Variants in DAP3 observed in about 807,000 individuals in gnomAD.
DAP3 encodes the protein death associated protein 3, also known as small ribosomal subunit protein mS29.
Under a neutral mutation model 51.9 loss-of-function variants are expected in DAP3, and 28 were observed. That is an observed-to-expected ratio of 0.54 (90% CI 0.40 to 0.74). The LOEUF (loss-of-function observed/expected upper bound fraction) is 0.74. DAP3 is among the 30% of genes least tolerant of loss of function. The pLI is 0.00. For missense variants in DAP3, 458 were observed against 483.5 expected (o/e 0.95, Z 0.49); for synonymous variants, 170 against 170.3 (o/e 1.00, Z 0.01).
At chr1:155,691,895 A>G (rs747037571) in intron 1 of DAP3, among the ~76,000 whole-genome samples, 1 of 141,616 alleles carries the variant, frequency 7.1e-6, no homozygotes, top group Non-Finnish European at 1.5e-5. Context: ...AGGAATGAGA[A>G]GAGACAGGTT....
At chr1:155,717,196 T>G (rs1038070036) in intron 3 of DAP3, 68 bp downstream of exon 3, 7 of 1,577,742 alleles carry the variant, frequency 4.4e-6, no homozygotes, top group Non-Finnish European at 6.0e-6. Flanking sequence ...TCATTTTGCA[T>G]AGGAAAACTG....
intron 4 of DAP3, among the ~76,000 whole-genome samples, chr1:155,723,703 A>G (rs1658251513): frequency 6.6e-6 from 1 of 152,216 alleles, no homozygotes; most frequent in Admixed American, 6.5e-5. Context: ...TGCCTGTCAA[A>G]TCCTACACCA....
At chr1:155,698,529 T>C (rs977702984) in intron 1 of DAP3, among the ~76,000 whole-genome samples, 1 of 152,146 alleles carries the variant, frequency 6.6e-6, no homozygotes, top group Non-Finnish European at 1.5e-5. Flanking sequence ...CTCTCTCTCC[T>C]CTGACTCAGC....
intron 1 of DAP3, among the ~76,000 whole-genome samples, chr1:155,699,647 T>A (rs1358629190): frequency 6.6e-6 from 1 of 152,178 alleles, no homozygotes; most frequent in African/African-American, 2.4e-5. Context: ...AGGGTCTTAC[T>A]CTGTTACCTG....
chr1:155,688,139 C>G (rs779915899), upstream of DAP3: 19 of 1,612,870 alleles, frequency 1.2e-5, no homozygotes, highest in South Asian at 1.9e-4. Flanking sequence ...CAGGCTCCTC[C>G]GCTTCCCTGG....
intron 10 of DAP3, 54 bp downstream of exon 10, chr1:155,731,469 A>G: frequency 6.4e-7 from 1 of 1,552,162 alleles, no homozygotes; most frequent in Non-Finnish European, 8.9e-7. Context: ...TATCATTTTA[A>G]ACATGTTCTA....
In DAP3 at chr1:155,725,384, G is replaced by A; in HGVS notation, c.273G>A (p.Val91=). The A allele has an allele frequency of 1.2e-6, 2 of 1,613,434 alleles. No individual in the cohort carries two copies. The highest frequency in any genetic ancestry group is 1.7e-4 in the Middle Eastern group (1 of 6,058). ...TTCCTTCTTTCCTACTTTATCAGGTGAAGACATTCAGTGAAGCTTGCCTGA... is the reference window on the plus strand; with the variant it reads ...TTCCTTCTTTCCTACTTTATCAGGTAAAGACATTCAGTGAAGCTTGCCTGA... ...HGLPPRFVMQ[V]KTFSEACLMV... Residue 91 remains valine, a splice_region_variant and synonymous_variant, in exon 5 of 13, where the codon GTG becomes GTA. Coordinates refer to ENST00000368336, the MANE Select transcript of DAP3 (RefSeq NM_004632.4).
chr1:155,725,526 A>T (rs1658472388), intron 5 of DAP3, 36 bp downstream of exon 5: 4 of 1,562,812 alleles, frequency 2.6e-6, no homozygotes, highest in Non-Finnish European at 3.5e-6. Flanking sequence ...CTCATGAACC[A>T]ATGCTTTCTC....
At chr1:155,688,756 G>A (rs1268971967), upstream of DAP3, 7 of 1,505,806 alleles carry the variant, frequency 4.6e-6, no homozygotes, top group Middle Eastern at 2.1e-4. Flanking sequence ...AGCAGCCGCC[G>A]CCAGCACCCC....
chr1:155,720,968 C>T (rs906186922), intron 3 of DAP3, among the ~76,000 whole-genome samples: 5 of 151,160 alleles, frequency 3.3e-5, no homozygotes, highest in Non-Finnish European at 4.4e-5. Flanking sequence ...ACCTGGGAGG[C>T]GGGGGTTGCA....
At chr1:155,688,054 CA>C (rs1652782472), upstream of DAP3, 1 of 1,558,656 alleles carries the variant, frequency 6.4e-7, no homozygotes, top group Non-Finnish European at 8.7e-7. Flanking sequence ...AATGCCGGCC[CA>C]AATCGTTCTA....
rs542062937 is a variant in DAP3 at position 155,734,159 on chromosome 1, C to T, written c.993+2126C>T. On this transcript the variant is annotated intron_variant, in intron 11 of 12. Coordinates refer to ENST00000368336, the MANE Select transcript of DAP3 (RefSeq NM_004632.4). ...GCAATAGAGTGCGGCCCTATCTCAA[C>T]AGGAAAAAAAGCTCCTTCAAGCTAA... Among the ~76,000 whole-genome samples, 4 of 151,958 alleles carry T rather than the reference C, an allele frequency of 2.6e-5. No homozygotes were observed. In the South Asian group the frequency reaches 6.2e-4, roughly 24 times the overall value.
At chr1:155,731,449 A>G in intron 10 of DAP3, 34 bp downstream of exon 10, 1 of 1,588,894 alleles carries the variant, frequency 6.3e-7, no homozygotes, top group Non-Finnish European at 8.6e-7. Context: ...CATTTCAGAA[A>G]GAAATGTATT....
At chr1:155,723,812 G>T (rs968929988) in intron 4 of DAP3, among the ~76,000 whole-genome samples, 3 of 152,160 alleles carry the variant, frequency 2.0e-5, no homozygotes, top group Non-Finnish European at 2.9e-5. Context: ...GCTGAGGTGG[G>T]CAGATTACTT....
chr1:155,699,132 A>C (rs187251881), intron 1 of DAP3, among the ~76,000 whole-genome samples: 2 of 152,190 alleles, frequency 1.3e-5, no homozygotes, highest in Admixed American at 6.5e-5. Flanking sequence ...TGGTCTCTAC[A>C]CTATTTATTG....
At chr1:155,717,245 T>C (rs1299597700) in intron 3 of DAP3, 117 bp downstream of exon 3, 3 of 1,489,822 alleles carry the variant, frequency 2.0e-6, no homozygotes, top group Non-Finnish European at 2.7e-6. Context: ...TTTACTCAGA[T>C]AGTGCACCTG....
Position 155,731,984 on chromosome 1 carries a change from C to G in DAP3, c.944C>G (p.Ser315Cys). ...GTGTCGGCTTTGAGCCAGACTGGGTCTCTCTTTAAGCCCCGGAAAGCCTAT... is the reference window on the plus strand; with the variant it reads ...GTGTCGGCTTTGAGCCAGACTGGGTGTCTCTTTAAGCCCCGGAAAGCCTAT... The part of the protein sequence containing the change: ...AIVSALSQTG[S>C]LFKPRKAYLP... The change falls in exon 11 of 13, where the codon TCT (serine) becomes TGT (cysteine). Residue 315 changes from serine to cysteine, a missense_variant. Ser to Cys is a moderately radical substitution (Grantham distance 112, BLOSUM62 -1). Transcript: ENST00000368336. 5 of 1,612,226 alleles carry G rather than the reference C, an allele frequency of 3.1e-6. No individual in the cohort carries two copies. Among genetic ancestry groups the G allele is most frequent in the Non-Finnish European group, 4.2e-6 (5 of 1,179,140 alleles).
At chr1:155,738,128 C>T (rs1274082710) in intron 12 of DAP3, 29 bp from the exon 13 acceptor site, 2 of 1,609,652 alleles carry the variant, frequency 1.2e-6, no homozygotes, top group Non-Finnish European at 1.7e-6. Context: ...GAGGAAACTG[C>T]CACTTACCTG....
chr1:155,697,889 C>G (rs1654730518), intron 1 of DAP3, among the ~76,000 whole-genome samples: 1 of 152,146 alleles, frequency 6.6e-6, no homozygotes, highest in Non-Finnish European at 1.5e-5. Context: ...ACAGACACTC[C>G]CAGAGCAGCG....
Sources: allele counts gnomAD v4.1 joint callset (sites outside exome capture counted in the v4.1 genomes callset), GRCh38; gene constraint gnomAD v4.1.1; transcripts MANE v1.5; gene names NCBI Gene and HGNC (gene_info 2026-07-23, HGNC 2026-07-21).